Variants in SLC9B1 observed in about 807,000 individuals in gnomAD.
The protein encoded by SLC9B1 is sodium/hydrogen exchanger 9B1.
Under a neutral mutation model 51.7 loss-of-function variants are expected in SLC9B1, and 32 were observed. That is an observed-to-expected ratio of 0.62 (90% CI 0.47 to 0.83). The LOEUF (loss-of-function observed/expected upper bound fraction) is 0.83. SLC9B1 is among the 40% of genes least tolerant of loss of function. The pLI is 0.00. For missense variants in SLC9B1, 406 were observed against 613.2 expected (o/e 0.66, Z 3.57); for synonymous variants, 145 against 212.7 (o/e 0.68, Z 2.77).
chr4:102,906,867 G>T (rs1735084245), intron 9 of SLC9B1, among the ~76,000 whole-genome samples: 2 of 152,306 alleles, frequency 1.3e-5, no homozygotes, highest in Admixed American at 6.5e-5. Context: ...AGAACTACAG[G>T]TGTGTACCAC....
intron 1 of SLC9B1, among the ~76,000 whole-genome samples, chr4:103,009,562 T>G (rs948478654): frequency 4.6e-5 from 7 of 152,246 alleles, no homozygotes; most frequent in Admixed American, 2.6e-4. Flanking sequence ...TAAATGAGAC[T>G]GCAGCTCTTT....
chr4:102,989,784 T>G lies in SLC9B1; in HGVS notation c.211+16A>C. 1.3e-6 allele frequency: 2 copies of G among 1,522,356 alleles called. No homozygotes were observed. Among genetic ancestry groups the G allele is most frequent in the Non-Finnish European group, 1.8e-6 (2 of 1,122,316 alleles). The allele number at this position is 1,522,356 out of a possible 1,614,324, so 94.3% of individuals were successfully genotyped here. A position where few individuals can be genotyped will look rare whatever the true frequency, so the allele number is the denominator to read the frequency against. On this transcript the variant is annotated intron_variant, in intron 3 of 11. Transcript: ENST00000296422. The stretch of plus-strand genomic sequence containing the variant: ...TTTCTCATCTTCTCTTCATTTACAT[T>G]TTTTGTTTCACATACCATTTGTAAT...
intron 3 of SLC9B1, among the ~76,000 whole-genome samples, chr4:102,977,513 TA>T (rs1739139514): frequency 6.6e-6 from 1 of 152,164 alleles, no homozygotes; most frequent in Non-Finnish European, 1.5e-5. Context: ...AGGTATTCAA[TA>T]AATGTTTGCT....
intron 6 of SLC9B1, among the ~76,000 whole-genome samples, chr4:102,942,474 A>C (rs1737054805): frequency 6.6e-6 from 1 of 152,238 alleles, no homozygotes; most frequent in South Asian, 2.1e-4. Flanking sequence ...TGGTATAAAA[A>C]TAGGCACATA....
At chr4:102,885,162 A>C in exon 12 of SLC9B1, 1 of 1,367,084 alleles carries the variant, frequency 7.3e-7, no homozygotes, top group Non-Finnish European at 1.0e-6. Context: ...TAGACATGCT[A>C]TTTTGAATTC....
chr4:102,923,475 T>G (rs1735989696), intron 7 of SLC9B1, among the ~76,000 whole-genome samples: 4 of 152,166 alleles, frequency 2.6e-5, no homozygotes, highest in Admixed American at 2.6e-4. Context: ...GGACAATAAC[T>G]GGAAGCATTC....
chr4:102,969,262 T>C (rs1419540644), intron 3 of SLC9B1, among the ~76,000 whole-genome samples: 3 of 152,124 alleles, frequency 2.0e-5, no homozygotes, highest in African/African-American at 7.2e-5. Context: ...TATAGCCGGG[T>C]GTCCCTCTGA....
chr4:102,978,273 G>A (rs1442942890), intron 3 of SLC9B1, among the ~76,000 whole-genome samples: 1 of 152,150 alleles, frequency 6.6e-6, no homozygotes, highest in African/African-American at 2.4e-5. Flanking sequence ...AAACATACGT[G>A]TGCATGTGTC....
intron 1 of SLC9B1, among the ~76,000 whole-genome samples, chr4:103,009,184 G>A (rs1740966209): frequency 1.3e-5 from 2 of 152,130 alleles, no homozygotes; most frequent in Non-Finnish European, 1.5e-5. Context: ...CGTACTTCTT[G>A]GGAACTTCAT....
At chr4:102,998,140 C>T (rs1740323320) in intron 1 of SLC9B1, among the ~76,000 whole-genome samples, 1 of 152,164 alleles carries the variant, frequency 6.6e-6, no homozygotes, top group South Asian at 2.1e-4. Flanking sequence ...TGACCTGAAA[C>T]TGTGTATGTA....
chr4:102,889,287 C>CTGT (rs767735387), intron 11 of SLC9B1: 1 of 152,476 alleles, frequency 6.6e-6, no homozygotes, highest in South Asian at 2.1e-4. Context: ...TTCTTCAACA[C>CTGT]TGTTAAGGGG....
chr4:102,988,038 A>C (rs921581648), intron 3 of SLC9B1, among the ~76,000 whole-genome samples: 9 of 152,132 alleles, frequency 5.9e-5, no homozygotes, highest in African/African-American at 1.9e-4. Flanking sequence ...TTGAACCTTA[A>C]ATTTCCAAGA....
chr4:103,001,694 A>G (rs1740531712), intron 1 of SLC9B1, among the ~76,000 whole-genome samples: 1 of 151,624 alleles, frequency 6.6e-6, no homozygotes, highest in Non-Finnish European at 1.5e-5. Flanking sequence ...TTTCTCACAT[A>G]CTCCTCTATT....
intron 1 of SLC9B1, among the ~76,000 whole-genome samples, chr4:103,017,972 T>C (rs1362131428): frequency 6.6e-6 from 1 of 152,180 alleles, no homozygotes; most frequent in East Asian, 1.9e-4. Flanking sequence ...TAGACTAAGC[T>C]CTGGATCCAG....
chr4:102,969,805 G>A (rs1435497804), intron 3 of SLC9B1, among the ~76,000 whole-genome samples: 1 of 152,150 alleles, frequency 6.6e-6, no homozygotes, highest in Non-Finnish European at 1.5e-5. Context: ...TGACCTGATG[G>A]AGCTGAAAAC....
chr4:103,008,323 G>T (rs887177081), intron 1 of SLC9B1, among the ~76,000 whole-genome samples: 15 of 151,934 alleles, frequency 9.9e-5, no homozygotes, highest in African/African-American at 3.6e-4. Context: ...TTTCACCTTG[G>T]TTTTTTAGAA....
chr4:102,922,636 T>C (rs1381546072), intron 7 of SLC9B1, among the ~76,000 whole-genome samples: 1 of 151,606 alleles, frequency 6.6e-6, no homozygotes, highest in African/African-American at 2.4e-5. Flanking sequence ...TTTGAAAAGA[T>C]CAACAAAATT....
intron 3 of SLC9B1, among the ~76,000 whole-genome samples, chr4:102,956,314 T>TAA (rs35614802): frequency 3.0e-5 from 4 of 133,180 alleles, no homozygotes; most frequent in Non-Finnish European, 3.3e-5. Flanking sequence ...TGAGTATTAC[T>TAA]AAAAAAAAAA....
At chr4:102,945,116 A>T in intron 6 of SLC9B1, 77 bp downstream of exon 6, 2 of 1,359,418 alleles carry the variant, frequency 1.5e-6, no homozygotes, top group Non-Finnish European at 1.9e-6. Flanking sequence ...TCTATACAAC[A>T]TTCTGAATAT....
Sources: gnomAD v4.1 joint callset for allele counts (sites outside exome capture counted in the v4.1 genomes callset) on GRCh38, gnomAD v4.1.1 for gene constraint, MANE v1.5 for transcripts, NCBI Gene and HGNC (gene_info 2026-07-23, HGNC 2026-07-21) for gene names.